REEP3: variants seen among roughly 807,000 people sequenced by gnomAD.
REEP3 encodes receptor accessory protein 3.
In REEP3, 20 loss-of-function variants were observed where a neutral mutation model predicts 41.3. The ratio of observed to expected loss-of-function variants is 0.48; its 90% CI spans 0.34 to 0.70. The LOEUF is 0.70. Among genes scored for constraint, REEP3 ranks in the 30% least tolerant of loss-of-function variants. The probability of loss-of-function intolerance (pLI) is 0.01; values close to 1 mark genes in which losing one functional copy is unlikely to be tolerated. For synonymous variants in REEP3, 104 were observed against 101.8 expected (o/e 1.02, Z -0.13); for missense variants, 271 against 308.8 (o/e 0.88, Z 0.92).
chr10:63,531,625 T>C (rs2133340947), intron 1 of REEP3, among the ~76,000 whole-genome samples: 1 of 152,336 alleles, frequency 6.6e-6, no homozygotes, highest in East Asian at 1.9e-4. Context: ...GCTCAGTAGC[T>C]ATGTGAATGC....
At position 63,521,522 on chromosome 10, in the gene REEP3, C is replaced by G. The variant is rs368304989; in HGVS notation, c.-24C>G. 28 of 1,413,922 alleles carry G rather than the reference C, an allele frequency of 2.0e-5. 1 individual carries two copies. The South Asian group carries it at 2.7e-4, about 14-fold the overall frequency. The allele number at this position is 1,413,922 out of a possible 1,614,324, so 87.6% of individuals were successfully genotyped here. A position where few individuals can be genotyped will look rare whatever the true frequency, so the allele number is the denominator to read the frequency against. Reference sequence around the variant, plus strand: ...GCGCCCTGCGCCCACCCGCCCCGGACGTGGGGCCCAAGCCCCCGTGAAGAT... The same window carrying G: ...GCGCCCTGCGCCCACCCGCCCCGGAGGTGGGGCCCAAGCCCCCGTGAAGAT... On this transcript the variant is annotated 5_prime_UTR_variant, in exon 1 of 8. Transcript: ENST00000373758.
intron 4 of REEP3, 140 bp from the exon 5 acceptor site, chr10:63,599,030 G>T (rs1956146825): frequency 1.8e-6 from 1 of 544,460 alleles, no homozygotes; most frequent in Admixed American, 4.1e-5. Flanking sequence ...TCAAAAAAAA[G>T]AAAAGAAAAG....
chr10:63,549,341 G>A (rs1589862809), intron 1 of REEP3, among the ~76,000 whole-genome samples: 1 of 152,224 alleles, frequency 6.6e-6, no homozygotes, highest in African/African-American at 2.4e-5. Context: ...GCCACGGCTG[G>A]TGGATGACTT....
chr10:63,554,939 G>A (rs945655501), intron 1 of REEP3, among the ~76,000 whole-genome samples: 1 of 152,158 alleles, frequency 6.6e-6, no homozygotes, highest in African/African-American at 2.4e-5. Flanking sequence ...GTAGTGGGGC[G>A]TGGCTAGTGG....
intron 7 of REEP3, among the ~76,000 whole-genome samples, chr10:63,620,193 G>A (rs1314884056): frequency 2.6e-5 from 4 of 151,870 alleles, no homozygotes; most frequent in East Asian, 1.9e-4. Flanking sequence ...TCCGCCTCTC[G>A]AAGTGCTGGG....
At chr10:63,587,784 A>AC (rs1956021224) in intron 2 of REEP3, among the ~76,000 whole-genome samples, 1 of 152,190 alleles carries the variant, frequency 6.6e-6, no homozygotes, top group South Asian at 2.1e-4. Context: ...TGAGAACTCA[A>AC]CAGATTCCTC....
rs564650164 is a variant in REEP3 at position 63,534,399 on chromosome 10, C to A, written c.32+12822C>A. On this transcript the variant is annotated intron_variant, in intron 1 of 7. Transcript: ENST00000373758. ...CTAAGTAGCTAGAACTATAAGCACA[C>A]ACCACCACATCCAGCTAATTTTTTA... Among the ~76,000 whole-genome samples, 32 of 152,214 alleles carry A rather than the reference C, an allele frequency of 2.1e-4. No individual in the cohort carries two copies. In the South Asian group the frequency reaches 6.0e-3, roughly 29 times the overall value.
chr10:63,530,691 C>T (rs1025121615), intron 1 of REEP3, among the ~76,000 whole-genome samples: 1 of 152,030 alleles, frequency 6.6e-6, no homozygotes, highest in Non-Finnish European at 1.5e-5. Flanking sequence ...ATTTCTTTTT[C>T]CACTATATTT....
intron 6 of REEP3, among the ~76,000 whole-genome samples, chr10:63,611,294 C>G (rs1012178872): frequency 3.9e-5 from 6 of 152,112 alleles, no homozygotes; most frequent in Admixed American, 3.9e-4. Flanking sequence ...ACTGTAAGTG[C>G]TGTGGACAAA....
chr10:63,594,347 T>C (rs2133404844), intron 2 of REEP3, among the ~76,000 whole-genome samples: 1 of 152,294 alleles, frequency 6.6e-6, no homozygotes, highest in Non-Finnish European at 1.5e-5. Context: ...TGATCGTAAT[T>C]GTACCACTGC....
At position 63,622,907 on chromosome 10, in the gene REEP3, A is replaced by G. The variant is rs1956365772; in HGVS notation, c.*2038A>G. On this transcript the variant is annotated 3_prime_UTR_variant, in exon 8 of 8. Transcript: ENST00000373758. ...TTTTTAGTAGAGACAGGGTTTAACC[A>G]TGTTGCCCAGGATGGTCTCCATCTC... The G allele has an allele frequency of 6.6e-6, 1 of 151,988 alleles. No individual in the cohort carries two copies. Among genetic ancestry groups the G allele is most frequent in the African/African-American group, 2.4e-5 (1 of 41,448 alleles). 9.4% of individuals were successfully genotyped at this position (151,988 alleles called of 1,614,324 possible).
intron 1 of REEP3, among the ~76,000 whole-genome samples, chr10:63,553,926 C>T (rs577765024): frequency 6.6e-6 from 1 of 152,172 alleles, no homozygotes; most frequent in African/African-American, 2.4e-5. Flanking sequence ...CACGGTAAAA[C>T]CACGTCTCTA....
intron 5 of REEP3, among the ~76,000 whole-genome samples, chr10:63,603,157 C>CA (rs1177755308): frequency 6.6e-6 from 1 of 151,392 alleles, no homozygotes; most frequent in African/African-American, 2.4e-5. Context: ...ACTAAAAATA[C>CA]AAAAAATTAG....
chr10:63,620,879 C>T lies in REEP3; in HGVS notation c.*10C>T, dbSNP rs757620298. On this transcript the variant is annotated 3_prime_UTR_variant, in exon 8 of 8. Transcript: ENST00000373758. ...ACAAGTGTATTTTTAGTCATCTACACGTCAAATATCCCAAGACAGATTATG... is the reference window on the plus strand; with the variant it reads ...ACAAGTGTATTTTTAGTCATCTACATGTCAAATATCCCAAGACAGATTATG... 2.5e-5 allele frequency: 40 copies of T among 1,581,890 alleles called. No individual in the cohort carries two copies. Among genetic ancestry groups the T allele is most frequent in the South Asian group, 1.2e-4 (11 of 89,282 alleles).
Position 63,624,122 on chromosome 10 carries a change from T to C in REEP3, c.*3253T>C, listed in dbSNP as rs1956377807. On this transcript the variant is annotated 3_prime_UTR_variant, in exon 8 of 8. Coordinates refer to ENST00000373758, the MANE Select transcript of REEP3 (RefSeq NM_001001330.3). ...TGGGATGGACTAAATTTTCATTTGA[T>C]TATCAGGAAAATTAAGGAGTTATAT... 1 of 152,134 alleles carries C rather than the reference T, an allele frequency of 6.6e-6. No homozygotes were observed. The highest frequency in any genetic ancestry group is 2.4e-5 in the African/African-American group (1 of 41,448). 9.4% of individuals were successfully genotyped at this position (152,134 alleles called of 1,614,324 possible).
chr10:63,581,258 C>T (rs934853489), intron 2 of REEP3, among the ~76,000 whole-genome samples: 1 of 151,922 alleles, frequency 6.6e-6, no homozygotes, highest in Non-Finnish European at 1.5e-5. Flanking sequence ...AAAGGTCCTC[C>T]TAAAAATATA....
At chr10:63,551,451 AC>A (rs1955628012) in intron 1 of REEP3, among the ~76,000 whole-genome samples, 1 of 152,100 alleles carries the variant, frequency 6.6e-6, no homozygotes, top group African/African-American at 2.4e-5. Flanking sequence ...ATGGAGCATC[AC>A]TCCCCACTCC....
At chr10:63,542,128 G>A (rs368485965) in intron 1 of REEP3, among the ~76,000 whole-genome samples, 5 of 148,634 alleles carry the variant, frequency 3.4e-5, no homozygotes, top group African/African-American at 1.2e-4. Context: ...TGCCCAGGCT[G>A]GGGTGCAGTG....
chr10:63,594,990 G>T (rs776395388), intron 3 of REEP3, 136 bp downstream of exon 3: 1 of 661,078 alleles, frequency 1.5e-6, no homozygotes, highest in Non-Finnish European at 2.7e-6. Flanking sequence ...TTTGTCATCT[G>T]CTTTCCCATA....
Sources: gnomAD v4.1 joint callset for allele counts (sites outside exome capture counted in the v4.1 genomes callset) on GRCh38, gnomAD v4.1.1 for gene constraint, MANE v1.5 for transcripts, NCBI Gene and HGNC (gene_info 2026-07-23, HGNC 2026-07-21) for gene names.